Variants in TIMP4 observed in about 807,000 individuals in gnomAD.
TIMP4 encodes TIMP metallopeptidase inhibitor 4.
In TIMP4, 28 loss-of-function variants were observed where a neutral mutation model predicts 27.3. The ratio of observed to expected loss-of-function variants is 1.03; its 90% CI spans 0.76 to 1.41. The LOEUF (loss-of-function observed/expected upper bound fraction) is 1.41. TIMP4 is among the 40% of genes most tolerant of loss of function. The pLI is 0.00. For missense variants in TIMP4, 307 were observed against 285.5 expected, an observed-to-expected ratio of 1.08 and a Z score of -0.54; for synonymous variants, 138 against 115.5, an observed-to-expected ratio of 1.20 and a Z score of -1.25.
At chr3:12,154,586 A>G (rs1236002581) in intron 3 of TIMP4, 135 bp from the exon 4 acceptor site, 15 of 851,608 alleles carry the variant, frequency 1.8e-5, no homozygotes, top group Non-Finnish European at 2.7e-5. Flanking sequence ...GGCTCAGTGA[A>G]GGGACCAATA....
At chr3:12,157,364 T>A in intron 2 of TIMP4, 21 bp downstream of exon 2, 1 of 1,610,804 alleles carries the variant, frequency 6.2e-7, no homozygotes, top group Non-Finnish European at 8.5e-7. Flanking sequence ...GGGCTACACA[T>A]CCCAGCCTGC....
intron 3 of TIMP4, among the ~76,000 whole-genome samples, chr3:12,155,231 G>T (rs369464985): frequency 6.6e-6 from 1 of 152,212 alleles, no homozygotes; most frequent in Non-Finnish European, 1.5e-5. Flanking sequence ...AAAATGACAG[G>T]ATCTCTGCTC....
At position 12,156,899 on chromosome 3, in the gene TIMP4, C is replaced by A. The variant is rs199719951; in HGVS notation, c.273G>T (p.Gln91His). Residue 91 changes from glutamine to histidine, a missense_variant, in exon 3 of 5, where the codon CAG becomes CAT. Gln to His is a conservative substitution (Grantham distance 24, BLOSUM62 0). Transcript: ENST00000287814. ...FKGFEKVKDVQYIYTPFDSSL... is the reference protein window; with the variant it reads ...FKGFEKVKDVHYIYTPFDSSL... ...AAGAGTCAAAAGGCGTATAGATATA[C>A]TGAACATCCTTGACTTTCTCAAACC... 5.5e-5 allele frequency: 88 copies of A among 1,614,042 alleles called. No individual in the cohort carries two copies. The highest frequency in any genetic ancestry group is 1.6e-4 in the Middle Eastern group (1 of 6,084).
At chr3:12,154,547 C>T in intron 3 of TIMP4, 96 bp from the exon 4 acceptor site, 1 of 1,455,718 alleles carries the variant, frequency 6.9e-7, no homozygotes, top group Admixed American at 2.1e-5. Context: ...GCAGCCTCCC[C>T]AATGACTTTG....
rs371172508 is a variant in TIMP4 at position 12,153,495 on chromosome 3, G to T, written c.*20C>A. ...TGATCTTCAGGACTCTTGAAGGGATGTGATGGTCACTGGTCCCTACTAGGG... is the reference window on the plus strand; with the variant it reads ...TGATCTTCAGGACTCTTGAAGGGATTTGATGGTCACTGGTCCCTACTAGGG... On this transcript the variant is annotated 3_prime_UTR_variant, in exon 5 of 5. Transcript: ENST00000287814. The T allele has an allele frequency of 1.9e-6, 3 of 1,612,430 alleles. No individual in the cohort carries two copies. The highest frequency in any genetic ancestry group is 2.5e-6 in the Non-Finnish European group (3 of 1,179,780).
chr3:12,156,970 C>T, intron 2 of TIMP4, 36 bp from the exon 3 acceptor site: 1 of 1,467,802 alleles, frequency 6.8e-7, no homozygotes, highest in South Asian at 1.1e-5. Context: ...AATATTGGGT[C>T]AGTGAGTGTA....
rs142203993 is a variant in TIMP4 at position 12,155,241 on chromosome 3, C to T, written c.353-790G>A. On this transcript the variant is annotated intron_variant, in intron 3 of 4. Transcript: ENST00000287814. ...ATATAAAAATGACAGGATCTCTGCT[C>T]CCAAGGAGCTTAGAAATGAGTAGGG... is the stretch of plus-strand genomic sequence containing the variant. 5.0e-3 allele frequency among the ~76,000 whole-genome samples: 754 copies of T among 152,278 alleles called. 4 individuals carry two copies. Among genetic ancestry groups the T allele is most frequent in the Non-Finnish European group, 8.1e-3 (550 of 68,032 alleles).
At position 12,157,027 on chromosome 3, in the gene TIMP4, T is replaced by G. The variant is rs1340527900; in HGVS notation, c.238-93A>C. On this transcript the variant is annotated intron_variant, in intron 2 of 4. Transcript: ENST00000287814. ...AACCTCTCACTTCTCAGCCTAAAAA[T>G]GTAAGCAAAAGTCTAGTTGAGGATT... 5.4e-6 allele frequency: 5 copies of G among 922,478 alleles called. No individual in the cohort carries two copies. The African/African-American group carries it at 6.6e-5, about 12-fold the overall frequency. 57.1% of individuals were successfully genotyped at this position (922,478 alleles called of 1,614,324 possible). A position where few individuals can be genotyped will look rare whatever the true frequency, so the allele number is the denominator to read the frequency against.
intron 4 of TIMP4, 73 bp from the exon 5 acceptor site, chr3:12,153,785 T>C (rs1264418153): frequency 7.2e-6 from 11 of 1,528,678 alleles, no homozygotes; most frequent in Admixed American, 1.7e-5. Context: ...TTCAGATTCC[T>C]ACGTACCTTT....
rs1280154058 is a variant in TIMP4 at position 12,157,547 on chromosome 3, A to G, written c.140-65T>C. 2.0e-6 allele frequency: 3 copies of G among 1,508,268 alleles called. No homozygotes were observed. In the African/African-American group the frequency reaches 4.1e-5, roughly 21 times the overall value. The allele number at this position is 1,508,268 out of a possible 1,614,324, so 93.4% of individuals were successfully genotyped here. A position where few individuals can be genotyped will look rare whatever the true frequency, so the allele number is the denominator to read the frequency against. Reference sequence around the variant, plus strand: ...TGGGGGCAATACACCTGAGGTCTGGATGATCCAGGGTCCATGAAGAAGTCT... The same window carrying G: ...TGGGGGCAATACACCTGAGGTCTGGGTGATCCAGGGTCCATGAAGAAGTCT... On this transcript the variant is annotated intron_variant, in intron 1 of 4. Transcript: ENST00000287814.
chr3:12,154,109 T>G (rs2125227652), intron 4 of TIMP4, among the ~76,000 whole-genome samples: 1 of 152,326 alleles, frequency 6.6e-6, no homozygotes, highest in Admixed American at 6.5e-5. Context: ...GGTAGCTGTG[T>G]TACAGTTATC....
In TIMP4 at chr3:12,158,887, C is replaced by G. The variant is rs769196983; in HGVS notation, c.-47G>C. The G allele has an allele frequency of 7.4e-6, 11 of 1,488,132 alleles. No individual in the cohort carries two copies. In the African/African-American group the frequency reaches 1.4e-4, roughly 19 times the overall value. The allele number at this position is 1,488,132 out of a possible 1,614,324, so 92.2% of individuals were successfully genotyped here. ...AGCCTGTGAGGTCTGGGGGACTGGA[C>G]GGCCCCAGCAGGGCTCCTTCCCAAG... On this transcript the variant is annotated 5_prime_UTR_variant, in exon 1 of 5. Transcript: ENST00000287814.
At chr3:12,154,817 A>T (rs1370517021) in intron 3 of TIMP4, among the ~76,000 whole-genome samples, 1 of 152,156 alleles carries the variant, frequency 6.6e-6, no homozygotes, top group Non-Finnish European at 1.5e-5. Context: ...GAAGATGAAA[A>T]TTATAAAGTT....
At chr3:12,155,352 C>T (rs1431191539) in intron 3 of TIMP4, among the ~76,000 whole-genome samples, 2 of 152,170 alleles carry the variant, frequency 1.3e-5, no homozygotes, top group Non-Finnish European at 2.9e-5. Flanking sequence ...CAATTATTTC[C>T]ATCTATGGAA....
intron 3 of TIMP4, among the ~76,000 whole-genome samples, chr3:12,156,473 G>A (rs1421530644): frequency 6.6e-6 from 1 of 152,226 alleles, no homozygotes; most frequent in African/African-American, 2.4e-5. Flanking sequence ...TGACCTGCAA[G>A]GAGCAGTTTT....
intron 4 of TIMP4, 59 bp downstream of exon 4, chr3:12,154,268 A>T (rs1019530890): frequency 6.8e-6 from 11 of 1,609,518 alleles, no homozygotes; most frequent in African/African-American, 6.7e-5. Flanking sequence ...TCATGCATGA[A>T]TGAAGGCTCA....
intron 3 of TIMP4, among the ~76,000 whole-genome samples, chr3:12,156,518 T>C (rs926835219): frequency 6.6e-6 from 1 of 152,202 alleles, no homozygotes; most frequent in Non-Finnish European, 1.5e-5. Context: ...GCCAAAAATC[T>C]TATACTAATT....
intron 2 of TIMP4, 110 bp downstream of exon 2, chr3:12,157,275 C>G: frequency 1.0e-6 from 1 of 980,220 alleles, no homozygotes; most frequent in Non-Finnish European, 1.6e-6. Flanking sequence ...GTATCTAGAC[C>G]CAAGGATTAC....
Position 12,158,731 on chromosome 3 carries a change from G to C in TIMP4, c.110C>G (p.Pro37Arg), listed in dbSNP as rs147368422. 5 of 1,609,616 alleles carry C rather than the reference G, an allele frequency of 3.1e-6. No individual in the cohort carries two copies. Among genetic ancestry groups the C allele is most frequent in the African/African-American group, 1.3e-5 (1 of 74,924 alleles). The stretch of plus-strand genomic sequence containing the variant: ...TGCCGAGTGGCAGATGTGCTGCTGA[G>C]GGTGCGCCGGGGCGCAGCTGCATGC... ...GEACSCAPAH[P>R]QQHICHSALV... Residue 37 changes from proline to arginine, a missense_variant, in exon 1 of 5, where the codon CCT (proline) becomes CGT (arginine). By Grantham distance (103) the Pro-to-Arg change is moderately radical. Coordinates refer to ENST00000287814, the MANE Select transcript of TIMP4 (RefSeq NM_003256.4).
Sources: gnomAD v4.1 joint callset for allele counts (sites outside exome capture counted in the v4.1 genomes callset) on GRCh38, gnomAD v4.1.1 for gene constraint, MANE v1.5 for transcripts, NCBI Gene and HGNC (gene_info 2026-07-23, HGNC 2026-07-21) for gene names.